FANCC: variants seen among roughly 807,000 people sequenced by gnomAD.
The protein encoded by FANCC is Fanconi anemia group C protein.
Under a neutral mutation model 71.3 loss-of-function variants are expected in FANCC, and 55 were observed. The observed-to-expected ratio is 0.77, with a 90% CI of 0.62 to 0.97. The LOEUF is 0.97. Ranked by LOEUF, FANCC falls within the 50% of genes least tolerant of loss-of-function variation. FANCC has a pLI of 0.00. For missense variants in FANCC, 678 were observed against 670.9 expected (o/e 1.01, Z -0.12); for synonymous variants, 275 against 244.9 (o/e 1.12, Z -1.15).
At chr9:95,294,322 G>T in intron 1 of FANCC, 1 of 1,588,016 alleles carries the variant, frequency 6.3e-7, no homozygotes, top group Non-Finnish European at 8.6e-7. Context: ...CATGAACACT[G>T]AGCCAGTCTT....
At chr9:95,264,268 C>A (rs772744539) in intron 1 of FANCC, among the ~76,000 whole-genome samples, 1 of 152,064 alleles carries the variant, frequency 6.6e-6, no homozygotes, top group Non-Finnish European at 1.5e-5. Flanking sequence ...ATACTTGGCA[C>A]ATTGTAGGAG....
At chr9:95,165,435 C>T (rs551750972) in intron 6 of FANCC, among the ~76,000 whole-genome samples, 1 of 151,814 alleles carries the variant, frequency 6.6e-6, no homozygotes, top group Non-Finnish European at 1.5e-5. Flanking sequence ...CCACTATAAA[C>T]TTCCTGCTTA....
intron 1 of FANCC, among the ~76,000 whole-genome samples, chr9:95,281,600 T>A (rs1833388534): frequency 6.6e-6 from 1 of 152,120 alleles, no homozygotes; most frequent in Admixed American, 6.5e-5. Context: ...TGAAAGTATA[T>A]AACTCACTGA....
At chr9:95,228,601 G>A (rs1829782655) in intron 4 of FANCC, among the ~76,000 whole-genome samples, 1 of 152,210 alleles carries the variant, frequency 6.6e-6, no homozygotes, top group Admixed American at 6.5e-5. Flanking sequence ...TAGTTGGGAG[G>A]TAATGGGGAG....
At chr9:95,225,442 C>T (rs937094815) in intron 4 of FANCC, among the ~76,000 whole-genome samples, 2 of 152,096 alleles carry the variant, frequency 1.3e-5, no homozygotes, top group Non-Finnish European at 2.9e-5. Flanking sequence ...GAGGCTGGGG[C>T]ACAATAGGGG....
intron 8 of FANCC, among the ~76,000 whole-genome samples, chr9:95,129,682 G>C (rs1049527945): frequency 6.6e-6 from 1 of 152,088 alleles, no homozygotes. Context: ...TTCTCCATCT[G>C]GCCTAACAAT....
intron 4 of FANCC, among the ~76,000 whole-genome samples, chr9:95,173,609 T>C (rs972595957): frequency 6.6e-6 from 1 of 152,200 alleles, no homozygotes; most frequent in East Asian, 1.9e-4. Flanking sequence ...TGGCTCACTG[T>C]AAGCCACTAA....
At chr9:95,135,545 A>C in intron 7 of FANCC, 43 bp from the exon 8 acceptor site, 1 of 1,581,416 alleles carries the variant, frequency 6.3e-7, no homozygotes, top group South Asian at 1.1e-5. Flanking sequence ...GAAATGGCTC[A>C]CTGAAAAAAG....
intron 6 of FANCC, among the ~76,000 whole-genome samples, chr9:95,155,814 G>A (rs112120427): frequency 0.023 from 3,457 of 152,004 alleles, 141 homozygotes; most frequent in African/African-American, 0.079. Flanking sequence ...ACCTCCCCAG[G>A]CTCAAGCGAT....
intron 7 of FANCC, among the ~76,000 whole-genome samples, chr9:95,144,871 G>A (rs534335556): frequency 1.3e-5 from 2 of 152,244 alleles, no homozygotes; most frequent in African/African-American, 2.4e-5. Flanking sequence ...CGTTCACAAC[G>A]CCCTTTACTC....
intron 9 of FANCC, 129 bp from the exon 10 acceptor site, chr9:95,125,314 T>C (rs1825808996): frequency 1.4e-6 from 1 of 736,540 alleles, no homozygotes; most frequent in African/African-American, 1.7e-5. Context: ...TCTCAACTCA[T>C]CAGATTTCAG....
At chr9:95,310,369 G>GA (rs1037310066) in intron 1 of FANCC, among the ~76,000 whole-genome samples, 95 of 126,450 alleles carry the variant, frequency 7.5e-4, no homozygotes, top group Middle Eastern at 3.9e-3. Flanking sequence ...TTTCAAAAGA[G>GA]AAAAAAAAAA....
At chr9:95,201,155 G>T (rs897277929) in intron 4 of FANCC, among the ~76,000 whole-genome samples, 5 of 152,128 alleles carry the variant, frequency 3.3e-5, no homozygotes, top group African/African-American at 1.2e-4. Context: ...AGGATAATTT[G>T]ACTTGCTTCC....
At chr9:95,191,459 T>C (rs1245618124) in intron 4 of FANCC, among the ~76,000 whole-genome samples, 1 of 150,870 alleles carries the variant, frequency 6.6e-6, no homozygotes, top group Non-Finnish European at 1.5e-5. Flanking sequence ...CCCAAAGTGC[T>C]GGAATTACAG....
At chr9:95,125,358 CCT>C (rs376572569) in intron 9 of FANCC, among the ~76,000 whole-genome samples, 173 bp from the exon 10 acceptor site, 4 of 152,172 alleles carry the variant, frequency 2.6e-5, no homozygotes, top group African/African-American at 4.8e-5. Flanking sequence ...TTTGTCGCTC[CCT>C]GTTATATTTT....
intron 4 of FANCC, among the ~76,000 whole-genome samples, chr9:95,199,133 T>G (rs914687056): frequency 7.2e-5 from 11 of 152,184 alleles, no homozygotes; most frequent in African/African-American, 2.7e-4. Context: ...CATCTGTTAT[T>G]AAAAACCGGT....
At position 95,294,359 on chromosome 9, in the gene FANCC, C is replaced by T. The variant is rs572659629; in HGVS notation, c.-79+23167G>A. On this transcript the variant is annotated intron_variant, in intron 1 of 14. Coordinates refer to ENST00000289081, the MANE Select transcript of FANCC (RefSeq NM_000136.3). ...GAGTCACTGGACACAGAGACTCAAA[C>T]GGACTTCTTACTCGCAGATACCTCT... 1.9e-4 allele frequency: 305 copies of T among 1,589,368 alleles called. 1 individual carries two copies. The Middle Eastern group carries it at 3.6e-3, about 19-fold the overall frequency.
At chr9:95,152,245 A>G (rs1830216834) in intron 6 of FANCC, among the ~76,000 whole-genome samples, 2 of 152,228 alleles carry the variant, frequency 1.3e-5, no homozygotes, top group South Asian at 4.1e-4. Context: ...GGTGTACATG[A>G]CACAGATGCA....
chr9:95,267,846 T>TA (rs1386427095), intron 1 of FANCC, among the ~76,000 whole-genome samples: 1 of 152,186 alleles, frequency 6.6e-6, no homozygotes, highest in Non-Finnish European at 1.5e-5. Context: ...GCAAAGTATG[T>TA]AAATCAGGAC....
Sources: allele counts gnomAD v4.1 joint callset (sites outside exome capture counted in the v4.1 genomes callset), GRCh38; gene constraint gnomAD v4.1.1; transcripts MANE v1.5; gene names NCBI Gene and HGNC (gene_info 2026-07-23, HGNC 2026-07-21).